Variants in NR2C1 observed in about 807,000 individuals in gnomAD.
NR2C1 encodes nuclear receptor subfamily 2 group C member 1, also known as TR2 nuclear hormone receptor.
Under a neutral mutation model 74.8 loss-of-function variants are expected in NR2C1, and 33 were observed. The ratio of observed to expected loss-of-function variants is 0.44; its 90% CI spans 0.33 to 0.59. The LOEUF (loss-of-function observed/expected upper bound fraction) is 0.59. Ranked by LOEUF, NR2C1 falls within the 20% of genes least tolerant of loss-of-function variation. NR2C1 has a pLI of 0.02. For synonymous variants in NR2C1, 225 were observed against 240.6 expected (o/e 0.94, Z 0.60); for missense variants, 568 against 715.6 (o/e 0.79, Z 2.35).
intron 7 of NR2C1, among the ~76,000 whole-genome samples, chr12:95,056,725 A>G (rs1006996683): frequency 2.0e-5 from 3 of 152,170 alleles, no homozygotes; most frequent in South Asian, 4.1e-4. Flanking sequence ...TTGGGAGGCC[A>G]AGGCGGGTGG....
chr12:95,031,496 A>G lies in NR2C1; in HGVS notation c.1254-8T>C. 6.3e-7 allele frequency: 1 copy of G among 1,576,234 alleles called. No homozygotes were observed. The highest frequency in any genetic ancestry group is 1.2e-5 in the South Asian group (1 of 83,750). The stretch of plus-strand genomic sequence containing the variant: ...GATATGCTGTTTTCTTGCCTATTAA[A>G]AACAGTAATAAAAGCACAAATCAGA... On this transcript the variant is annotated splice_region_variant and splice_polypyrimidine_tract_variant and intron_variant, in intron 10 of 13. Transcript: ENST00000333003.
At chr12:95,055,952 C>CAAAAAA (rs3048563) in intron 7 of NR2C1, among the ~76,000 whole-genome samples, 1 of 56,500 alleles carries the variant, frequency 1.8e-5, no homozygotes, top group Non-Finnish European at 3.3e-5. Flanking sequence ...GACTCCGTCT[C>CAAAAAA]AAAAAAAAAA....
chr12:95,068,347 C>T (rs1455640782), intron 1 of NR2C1, among the ~76,000 whole-genome samples: 1 of 152,180 alleles, frequency 6.6e-6, no homozygotes, highest in Non-Finnish European at 1.5e-5. Flanking sequence ...TTCTGAGGTA[C>T]TGGTGGTCAG....
chr12:95,070,116 C>G (rs534421648), intron 1 of NR2C1, among the ~76,000 whole-genome samples: 1 of 150,500 alleles, frequency 6.6e-6, no homozygotes, highest in South Asian at 2.1e-4. Context: ...GTAAAATTTA[C>G]AAGTTTTTTT....
At chr12:95,023,203 T>C (rs765229624) in intron 13 of NR2C1, among the ~76,000 whole-genome samples, 1 of 152,060 alleles carries the variant, frequency 6.6e-6, no homozygotes, top group Non-Finnish European at 1.5e-5. Context: ...AAACCTTGTC[T>C]CTACTAAAAA....
At chr12:95,045,658 A>G (rs1042376331) in intron 9 of NR2C1, among the ~76,000 whole-genome samples, 5 of 152,184 alleles carry the variant, frequency 3.3e-5, no homozygotes, top group Non-Finnish European at 7.3e-5. Context: ...TGTGAAAATA[A>G]TAAAATTTTA....
At chr12:95,054,455 T>C (rs1232633158) in intron 7 of NR2C1, among the ~76,000 whole-genome samples, 5 of 152,084 alleles carry the variant, frequency 3.3e-5, no homozygotes, top group African/African-American at 4.8e-5. Flanking sequence ...TACAGGCATG[T>C]ACCACCATGC....
At chr12:95,037,626 T>G (rs1485071568) in intron 10 of NR2C1, among the ~76,000 whole-genome samples, 1 of 152,190 alleles carries the variant, frequency 6.6e-6, no homozygotes, top group Non-Finnish European at 1.5e-5. Context: ...CCGGGCACGG[T>G]GGCTCACGCC....
At chr12:95,030,588 T>A (rs1368341401) in intron 11 of NR2C1, 1 of 1,613,422 alleles carries the variant, frequency 6.2e-7, no homozygotes, top group Admixed American at 1.7e-5. Flanking sequence ...TGCCTTCTAG[T>A]AGATCTATTT....
At chr12:95,067,456 A>G (rs1875887722) in intron 1 of NR2C1, 65 bp from the exon 2 acceptor site, 4 of 1,178,046 alleles carry the variant, frequency 3.4e-6, no homozygotes, top group Non-Finnish European at 5.0e-6. Context: ...ATAATTTACA[A>G]ATAAAACTAT....
At chr12:95,060,073 T>G in intron 3 of NR2C1, 89 bp from the exon 4 acceptor site, 1 of 1,045,492 alleles carries the variant, frequency 9.6e-7, no homozygotes, top group South Asian at 1.6e-5. Context: ...TTAAAGAACA[T>G]TCAGTTGGTC....
chr12:95,055,285 T>C (rs1279339839), intron 7 of NR2C1, among the ~76,000 whole-genome samples: 1 of 152,118 alleles, frequency 6.6e-6, no homozygotes, highest in African/African-American at 2.4e-5. Flanking sequence ...CTGGGCAGAG[T>C]AGTTTGTCAA....
Position 95,031,340 on chromosome 12 carries a change from G to A in NR2C1, c.1393+9C>T. 6.4e-7 allele frequency: 1 copy of A among 1,573,814 alleles called. No homozygotes were observed. The highest frequency in any genetic ancestry group is 1.2e-5 in the South Asian group (1 of 82,832). On this transcript the variant is annotated intron_variant, in intron 11 of 13. Transcript: ENST00000333003. The stretch of plus-strand genomic sequence containing the variant: ...ACAACCTGGAAAAGGTAAGGAAGGT[G>A]CTTTTTACCTTGTTGAAGACTATTG...
chr12:95,067,315 C>A lies in NR2C1; in HGVS notation c.54+16G>T. The stretch of plus-strand genomic sequence containing the variant: ...AAGTTTGGTGGGCCAGTGCATCAAC[C>A]GTAAACTAGACATACCTCTCCCATC... On this transcript the variant is annotated intron_variant, in intron 2 of 13. Transcript: ENST00000333003. The A allele has an allele frequency of 6.2e-7, 1 of 1,611,186 alleles. No individual in the cohort carries two copies. Among genetic ancestry groups the A allele is most frequent in the Non-Finnish European group, 8.5e-7 (1 of 1,177,610 alleles).
At position 95,020,565 on chromosome 12, in the gene NR2C1, A is replaced by G. The variant is rs1000487047; in HGVS notation, c.*1664T>C. On this transcript the variant is annotated 3_prime_UTR_variant, in exon 14 of 14. Transcript: ENST00000333003. ...AAAGTTTCCCTTAGTAAACTGGTAAAGACTGTAAGTTGATATTTTCAAACT... is the reference window on the plus strand; with the variant it reads ...AAAGTTTCCCTTAGTAAACTGGTAAGGACTGTAAGTTGATATTTTCAAACT... 1.1e-4 allele frequency: 17 copies of G among 152,212 alleles called. No homozygotes were observed. Among genetic ancestry groups the G allele is most frequent in the Middle Eastern group, 3.2e-3 (1 of 316 alleles). The allele number at this position is 152,212 out of a possible 1,614,324, so 9.4% of individuals were successfully genotyped here.
chr12:95,049,351 C>T, intron 8 of NR2C1, 118 bp from the exon 9 acceptor site: 1 of 967,612 alleles, frequency 1.0e-6, no homozygotes, highest in East Asian at 2.5e-5. Context: ...TGGTCTAGAA[C>T]TCAAGTGATA....
intron 9 of NR2C1, among the ~76,000 whole-genome samples, chr12:95,045,456 G>A (rs183537617): frequency 1.3e-5 from 2 of 152,090 alleles, no homozygotes; most frequent in Non-Finnish European, 2.9e-5. Context: ...GACTGGAAGC[G>A]AAGATATTAG....
intron 2 of NR2C1, among the ~76,000 whole-genome samples, chr12:95,063,420 T>C (rs1174937686): frequency 6.6e-6 from 1 of 152,070 alleles, no homozygotes; most frequent in Non-Finnish European, 1.5e-5. Context: ...TACAGTAGAA[T>C]ATGGGATCTG....
At chr12:95,056,830 G>A (rs1873961602) in intron 7 of NR2C1, among the ~76,000 whole-genome samples, 1 of 151,836 alleles carries the variant, frequency 6.6e-6, no homozygotes, top group African/African-American at 2.4e-5. Context: ...GTGGTGGCAG[G>A]TGCCTGTAGT....
Sources: allele counts gnomAD v4.1 joint callset (sites outside exome capture counted in the v4.1 genomes callset), GRCh38; gene constraint gnomAD v4.1.1; transcripts MANE v1.5; gene names NCBI Gene and HGNC (gene_info 2026-07-23, HGNC 2026-07-21).